Variants in GPR161 observed in about 807,000 individuals in gnomAD.
GPR161 encodes the protein G-protein coupled receptor RE2.
In GPR161, 25 loss-of-function variants were observed where a neutral mutation model predicts 39.2. The observed-to-expected ratio is 0.64, with a 90% CI of 0.47 to 0.89. GPR161 has a LOEUF of 0.89. GPR161 is among the 40% of genes least tolerant of loss of function. The pLI is 0.00. For synonymous variants in GPR161, 286 were observed against 276.6 expected (o/e 1.03, Z -0.34); for missense variants, 547 against 677.8 (o/e 0.81, Z 2.14).
rs113665297 is a variant in GPR161, at chr1:168,103,776, G to A, written c.374+701C>T. 2.9e-3 allele frequency among the ~76,000 whole-genome samples: 443 copies of A among 152,264 alleles called. 1 individual carries two copies. The highest frequency in any genetic ancestry group is 0.01 in the African/African-American group (421 of 41,550). ...AACCTGTGCCTGTGATGAACGCAGT[G>A]GCCATTAGCAAAATTCTAATAAATG... On this transcript the variant is annotated intron_variant, in intron 2 of 5. Coordinates refer to ENST00000682931, the MANE Select transcript of GPR161 (RefSeq NM_001375883.1).
intron 1 of GPR161, among the ~76,000 whole-genome samples, chr1:168,114,178 T>C (rs1053561712): frequency 1.3e-5 from 2 of 152,220 alleles, no homozygotes; most frequent in Non-Finnish European, 2.9e-5. Context: ...TGTGGTCTCA[T>C]ATTTTTACCT....
intron 1 of GPR161, among the ~76,000 whole-genome samples, chr1:168,126,104 G>A (rs1050195834): frequency 2.5e-4 from 38 of 152,196 alleles, no homozygotes; most frequent in Non-Finnish European, 5.0e-4. Context: ...TGCTATTGCG[G>A]TCAATAGAAT....
intron 1 of GPR161, among the ~76,000 whole-genome samples, chr1:168,108,859 T>C (rs188136408): frequency 1.3e-5 from 2 of 152,200 alleles, no homozygotes; most frequent in African/African-American, 4.8e-5. Context: ...ATTTTATACC[T>C]ATTGGACTGT....
chr1:168,112,298 G>A (rs1008217144), intron 1 of GPR161, among the ~76,000 whole-genome samples: 7 of 151,942 alleles, frequency 4.6e-5, no homozygotes, highest in Non-Finnish European at 1.0e-4. Flanking sequence ...GGCTAACACA[G>A]TGAAACCTCG....
At chr1:168,123,949 C>T (rs539704906) in intron 1 of GPR161, among the ~76,000 whole-genome samples, 16 of 152,352 alleles carry the variant, frequency 1.1e-4, no homozygotes, top group Non-Finnish European at 1.8e-4. Flanking sequence ...AGTCCTGTAG[C>T]AGAGTTGCCT....
At chr1:168,094,563 G>A (rs1695351608) in intron 3 of GPR161, among the ~76,000 whole-genome samples, 1 of 152,238 alleles carries the variant, frequency 6.6e-6, no homozygotes, top group African/African-American at 2.4e-5. Context: ...ACATGGAAAG[G>A]ATCTCCTGTC....
At chr1:168,089,840 C>G (rs1694884675) in intron 4 of GPR161, among the ~76,000 whole-genome samples, 1 of 152,256 alleles carries the variant, frequency 6.6e-6, no homozygotes, top group Admixed American at 6.5e-5. Flanking sequence ...TCCCCGGTGC[C>G]ATGACTCTGA....
At chr1:168,094,095 T>G (rs183803684) in intron 3 of GPR161, among the ~76,000 whole-genome samples, 1 of 152,126 alleles carries the variant, frequency 6.6e-6, no homozygotes, top group African/African-American at 2.4e-5. Flanking sequence ...ACAGCTGGTG[T>G]TTTCCGCCTG....
At position 168,096,778 on chromosome 1, in the gene GPR161, C is replaced by T. The variant is rs568638445; in HGVS notation, c.829G>A (p.Gly277Ser). ...GGGCCCCAGGTGACCATGAAGGCAC[C>T]GAGGACCACCAGGATGGTGATGAGG... ...KALITILVVLGAFMVTWGPYM... is the reference protein window; with the variant it reads ...KALITILVVLSAFMVTWGPYM... The change falls in exon 3 of 6, where the codon GGT becomes AGT. Residue 277 changes from glycine (G) to serine (S), a missense_variant. Physicochemically the swap from Gly to Ser is moderately conservative, Grantham distance 56 (BLOSUM62 0). Transcript: ENST00000682931. 78 of 1,614,024 alleles carry T rather than the reference C, an allele frequency of 4.8e-5. 1 individual carries two copies. Among genetic ancestry groups the T allele is most frequent in the South Asian group, 4.6e-4 (42 of 91,080 alleles).
chr1:168,125,414 T>G (rs1219042343), intron 1 of GPR161, among the ~76,000 whole-genome samples: 1 of 152,196 alleles, frequency 6.6e-6, no homozygotes. Context: ...ACAAGAATGT[T>G]GAGTCCTGTT....
intron 1 of GPR161, among the ~76,000 whole-genome samples, chr1:168,111,633 T>A (rs759179326): frequency 9.2e-5 from 14 of 152,364 alleles, no homozygotes; most frequent in African/African-American, 3.4e-4. Context: ...TAATAAATCC[T>A]GAAGTCACCT....
Position 168,096,897 on chromosome 1 carries a change from G to A in GPR161, c.710C>T (p.Thr237Ile), listed in dbSNP as rs1313754245. 1.2e-6 allele frequency: 2 copies of A among 1,614,076 alleles called. No homozygotes were observed. The highest frequency in any genetic ancestry group is 2.2e-5 in the South Asian group (2 of 91,078). The change falls in exon 3 of 6, where the codon ACC becomes ATC. Residue 237 changes from threonine (T) to isoleucine (I), a missense_variant. Physicochemically the swap from Thr to Ile is moderately conservative, Grantham distance 89. Coordinates refer to ENST00000682931, the MANE Select transcript of GPR161 (RefSeq NM_001375883.1). ...VVIVEEDAQR[T>I]GRKNSSTSTS... Reference sequence around the variant, plus strand: ...GGAGGTGCTGGAGTTCTTCCTCCCGGTCCTCTGAGCATCCTCCTCCACGAT... The same window carrying A: ...GGAGGTGCTGGAGTTCTTCCTCCCGATCCTCTGAGCATCCTCCTCCACGAT...
intron 1 of GPR161, among the ~76,000 whole-genome samples, chr1:168,110,532 GGAAA>G (rs1697038321): frequency 1.9e-5 from 1 of 51,914 alleles, no homozygotes; most frequent in South Asian, 5.1e-4. Context: ...ACGAAAGAAA[GGAAA>G]GGAAAGAAAA....
chr1:168,111,477 A>ATT (rs1558121101), intron 1 of GPR161, among the ~76,000 whole-genome samples: 1 of 152,178 alleles, frequency 6.6e-6, no homozygotes, highest in African/African-American at 2.4e-5. Context: ...ACAAAGACAC[A>ATT]AGGAAGATAA....
intron 1 of GPR161, chr1:168,114,478 G>A (rs1697458155): frequency 6.6e-6 from 1 of 152,120 alleles, no homozygotes; most frequent in African/African-American, 2.4e-5. Context: ...CTATTCAGGA[G>A]GCTGAGGCAG....
chr1:168,125,656 C>G (rs1698535252), intron 1 of GPR161, among the ~76,000 whole-genome samples: 1 of 145,240 alleles, frequency 6.9e-6, no homozygotes, highest in Middle Eastern at 3.8e-3. Flanking sequence ...CTCACCCTGT[C>G]GTCCAGGCTG....
At chr1:168,137,041 A>T (rs1188592838), upstream of GPR161, 1 of 138,186 alleles carries the variant, frequency 7.2e-6, no homozygotes. Context: ...CGCCCCGCCC[A>T]GCTCCCGGCG....
intron 2 of GPR161, 92 bp from the exon 3 acceptor site, chr1:168,097,324 G>T: frequency 7.3e-7 from 1 of 1,361,168 alleles, no homozygotes; most frequent in Non-Finnish European, 1.0e-6. Flanking sequence ...TGACTGGGTT[G>T]GATGTTTCTA....
intron 3 of GPR161, among the ~76,000 whole-genome samples, chr1:168,091,374 T>C (rs1201340744): frequency 6.6e-6 from 1 of 152,164 alleles, no homozygotes; most frequent in Admixed American, 6.5e-5. Context: ...GAAATTTACA[T>C]ATTAAGTAGT....
Sources: allele counts gnomAD v4.1 joint callset (sites outside exome capture counted in the v4.1 genomes callset), GRCh38; gene constraint gnomAD v4.1.1; transcripts MANE v1.5; gene names NCBI Gene and HGNC (gene_info 2026-07-23, HGNC 2026-07-21).